The following ZC3H13 variants were observed in gnomAD, a reference collection of about 807,000 sequenced individuals.
ZC3H13 encodes zinc finger CCCH domain-containing protein 13.
Under a neutral mutation model 204.1 loss-of-function variants are expected in ZC3H13, and 64 were observed. The observed-to-expected ratio is 0.31, with a 90% CI of 0.26 to 0.39. The LOEUF is 0.39. Among genes scored for constraint, ZC3H13 ranks in the 10% least tolerant of loss-of-function variants. The pLI, the probability that ZC3H13 is intolerant of heterozygous loss-of-function variation, is 1.00. For missense variants in ZC3H13, 1,833 were observed against 2,082.7 expected (o/e 0.88, Z 2.33); for synonymous variants, 667 against 693.7 (o/e 0.96, Z 0.60).
chr13:46,010,714 A>T lies in ZC3H13; in HGVS notation c.589-209T>A, dbSNP rs1266961468. On this transcript the variant is annotated intron_variant, in intron 6 of 18. Transcript: ENST00000679008. The stretch of plus-strand genomic sequence containing the variant: ...AGTTTGAGATCAGCCTGGATAACAT[A>T]AAAAAAACCCTATCTCTTATACAAA... 7.3e-5 allele frequency among the ~76,000 whole-genome samples: 11 copies of T among 150,558 alleles called. No individual in the cohort carries two copies. The South Asian group carries it at 8.4e-4, about 11-fold the overall frequency.
intron 1 of ZC3H13, among the ~76,000 whole-genome samples, chr13:46,049,242 G>A (rs757628627): frequency 3.8e-4 from 57 of 151,770 alleles, no homozygotes; most frequent in Non-Finnish European, 6.9e-4. Flanking sequence ...CTGAGTATGC[G>A]GTCTGGGTTA....
intron 8 of ZC3H13, among the ~76,000 whole-genome samples, chr13:46,002,433 C>A (rs2040816870): frequency 6.6e-6 from 1 of 152,136 alleles, no homozygotes; most frequent in Admixed American, 6.6e-5. Flanking sequence ...TACAAAAGAA[C>A]TGAAAGCAGG....
At chr13:46,047,348 A>T (rs2044042736) in intron 1 of ZC3H13, among the ~76,000 whole-genome samples, 1 of 152,204 alleles carries the variant, frequency 6.6e-6, no homozygotes, top group South Asian at 2.1e-4. Context: ...TTAAAAACAG[A>T]ATTACTTCAC....
At chr13:45,974,246 G>A (rs1393380083) in intron 12 of ZC3H13, among the ~76,000 whole-genome samples, 1 of 152,162 alleles carries the variant, frequency 6.6e-6, no homozygotes, top group Non-Finnish European at 1.5e-5. Flanking sequence ...TGAACACTGT[G>A]ATCAGCTTAG....
Position 45,969,218 on chromosome 13 carries a change from G to A in ZC3H13, c.3326C>T (p.Thr1109Ile), listed in dbSNP as rs757766106. The change falls in exon 14 of 19, where the codon ACT (threonine) becomes ATT (isoleucine). Residue 1109 changes from threonine (T) to isoleucine (I), a missense_variant. Thr to Ile is a moderately conservative substitution (Grantham distance 89). Transcript: ENST00000679008. ...SLLPPPPPVA[T>I]ATATTVPATL... is the part of the protein sequence containing the mutation. ...TGCAGGCACAGTTGTAGCAGTGGCA[G>A]TAGCCACAGGCGGTGGAGGAGGAAG... 36 of 1,613,242 alleles carry A rather than the reference G, an allele frequency of 2.2e-5. No individual in the cohort carries two copies. Among genetic ancestry groups the A allele is most frequent in the Non-Finnish European group, 2.9e-5 (34 of 1,179,862 alleles).
chr13:46,010,384 G>A lies in ZC3H13; in HGVS notation c.710C>T (p.Thr237Ile). 1.2e-6 allele frequency: 2 copies of A among 1,613,766 alleles called. No individual in the cohort carries two copies. The highest frequency in any genetic ancestry group is 1.7e-6 in the Non-Finnish European group (2 of 1,179,722). ...CAACAGGGGAGAAGATACTGCAGAT[G>A]TCTTCCTATCTTTCTTGCTAGCTGA... is the stretch of plus-strand genomic sequence containing the variant. ...SSSASKKDRKTSAVSSPLLDQ... is the reference protein window; with the variant it reads ...SSSASKKDRKISAVSSPLLDQ... Residue 237 changes from threonine (T) to isoleucine (I), a missense_variant, in exon 7 of 19, where the codon ACA becomes ATA. Physicochemically the swap from Thr to Ile is moderately conservative, Grantham distance 89. Around this residue, in one of 5 missense-constraint regions of ZC3H13, gnomAD observed 1,574 missense variants for 1,757.2 expected, o/e 0.90. Coordinates refer to ENST00000679008, the MANE Select transcript of ZC3H13 (RefSeq NM_001330564.2).
At chr13:46,004,069 C>G (rs369653567) in intron 7 of ZC3H13, among the ~76,000 whole-genome samples, 1 of 151,664 alleles carries the variant, frequency 6.6e-6, no homozygotes, top group African/African-American at 2.4e-5. Flanking sequence ...TTATAGAATG[C>G]GAGAAAATAT....
intron 4 of ZC3H13, among the ~76,000 whole-genome samples, chr13:46,022,029 G>C (rs1215254259): frequency 6.6e-6 from 1 of 151,886 alleles, no homozygotes; most frequent in African/African-American, 2.4e-5. Flanking sequence ...AAGGGTGTCA[G>C]AGCAGTAGTG....
At chr13:46,032,115 T>C (rs2042934721) in intron 4 of ZC3H13, among the ~76,000 whole-genome samples, 1 of 152,308 alleles carries the variant, frequency 6.6e-6, no homozygotes, top group East Asian at 1.9e-4. Context: ...GTAAGGTCAC[T>C]GATCGCAACA....
intron 8 of ZC3H13, among the ~76,000 whole-genome samples, chr13:45,994,147 T>C (rs61953326): frequency 0.25 from 38,205 of 152,148 alleles, 5,187 homozygotes; most frequent in South Asian, 0.32. Flanking sequence ...ATAGTAAATA[T>C]ATTTTCTCTT....
At chr13:45,976,118 A>G (rs1953027765) in intron 11 of ZC3H13, 19 of 948,214 alleles carry the variant, frequency 2.0e-5, no homozygotes, top group Non-Finnish European at 2.4e-5. Context: ...CTTTCTCTGC[A>G]TGCTCCCTAC....
At chr13:46,041,964 T>C (rs2043617272) in intron 4 of ZC3H13, among the ~76,000 whole-genome samples, 200 bp downstream of exon 4, 1 of 152,112 alleles carries the variant, frequency 6.6e-6, no homozygotes, top group Non-Finnish European at 1.5e-5. Flanking sequence ...CTAATCCCTT[T>C]CATCTTAACT....
intron 2 of ZC3H13, 25 bp downstream of exon 2, chr13:46,045,364 CCT>C (rs763174651): frequency 4.6e-6 from 7 of 1,534,216 alleles, no homozygotes; most frequent in Non-Finnish European, 6.3e-6. Flanking sequence ...TAAGAGAACC[CCT>C]GTGACTATAC....
intron 8 of ZC3H13, among the ~76,000 whole-genome samples, chr13:45,996,748 C>CA (rs79022953): frequency 0.064 from 3,216 of 50,380 alleles, 70 homozygotes; most frequent in African/African-American, 0.15. Context: ...TGAATATGTA[C>CA]AAAAAAAAAA....
chr13:45,958,786 C>T (rs1951467349), intron 18 of ZC3H13, among the ~76,000 whole-genome samples: 1 of 151,452 alleles, frequency 6.6e-6, no homozygotes, highest in Non-Finnish European at 1.5e-5. Flanking sequence ...TCCCAAATAG[C>T]TGGGACTACA....
At chr13:46,037,911 T>C (rs551608941) in intron 4 of ZC3H13, among the ~76,000 whole-genome samples, 55 of 152,350 alleles carry the variant, frequency 3.6e-4, no homozygotes, top group African/African-American at 1.3e-3. Flanking sequence ...AAATTCACTA[T>C]GTATTTTATA....
chr13:45,983,414 T>TATATATATATA (rs10678022), intron 10 of ZC3H13, among the ~76,000 whole-genome samples: 6 of 20,558 alleles, frequency 2.9e-4, no homozygotes, highest in South Asian at 2.3e-3. Flanking sequence ...TATATATATA[T>TATATATATATA]TTTTTTTTTT....
intron 4 of ZC3H13, among the ~76,000 whole-genome samples, chr13:46,032,277 G>A (rs752507791): frequency 4.7e-5 from 7 of 147,604 alleles, no homozygotes; most frequent in Non-Finnish European, 7.5e-5. Context: ...CCAGAAAAGT[G>A]ACAAGTAAAA....
chr13:46,001,924 T>G (rs1343460681), intron 8 of ZC3H13, among the ~76,000 whole-genome samples: 2 of 151,044 alleles, frequency 1.3e-5, no homozygotes, highest in Non-Finnish European at 2.9e-5. Context: ...TTCTCTTGCA[T>G]GTCAAGAAGA....
Sources: gnomAD v4.1 joint callset for allele counts (sites outside exome capture counted in the v4.1 genomes callset) on GRCh38, gnomAD v4.1.1 for gene constraint, gnomAD v4.1.1 regional missense constraint, MANE v1.5 for transcripts, NCBI Gene and HGNC (gene_info 2026-07-23, HGNC 2026-07-21) for gene names.